The following AGTPBP1 variants were observed in gnomAD, a reference collection of about 807,000 sequenced individuals.
AGTPBP1 encodes ATP/GTP binding carboxypeptidase 1, also known as cytosolic carboxypeptidase 1.
AGTPBP1 carries 70 observed loss-of-function variants against 143.9 expected under a neutral mutation model. The ratio of observed to expected loss-of-function variants is 0.49; its 90% CI spans 0.40 to 0.59. The LOEUF is 0.59. Ranked by LOEUF, AGTPBP1 falls within the 20% of genes least tolerant of loss-of-function variation. The pLI is 0.00. For missense variants in AGTPBP1, 1,229 were observed against 1,464.5 expected, an observed-to-expected ratio of 0.84 and a Z score of 2.62; for synonymous variants, 463 against 500.2, an observed-to-expected ratio of 0.93 and a Z score of 0.99.
chr9:85,582,104 A>G (rs1019398308), intron 23 of AGTPBP1, among the ~76,000 whole-genome samples: 2 of 152,260 alleles, frequency 1.3e-5, no homozygotes, highest in Non-Finnish European at 2.9e-5. Flanking sequence ...TTGCAAAAAC[A>G]GTACAAAGAA....
intron 8 of AGTPBP1, among the ~76,000 whole-genome samples, chr9:85,668,248 T>A: frequency 6.6e-6 from 1 of 152,064 alleles, no homozygotes; most frequent in Non-Finnish European, 1.5e-5. Context: ...AATGTATGCA[T>A]CTTGTTTGGA....
intron 25 of AGTPBP1, chr9:85,553,948 C>G (rs999659940): frequency 1.3e-5 from 2 of 152,156 alleles, no homozygotes; most frequent in Admixed American, 6.6e-5. Flanking sequence ...TCTGATCATT[C>G]TCAGTAGAAC....
chr9:85,625,657 G>C (rs1354444147), intron 14 of AGTPBP1, among the ~76,000 whole-genome samples: 1 of 151,598 alleles, frequency 6.6e-6, no homozygotes, highest in African/African-American at 2.4e-5. Flanking sequence ...AGGCTGAGGT[G>C]GGCAGAACAC....
Position 85,684,530 on chromosome 9 carries a change from C to G in AGTPBP1, c.158-3195G>C, listed in dbSNP as rs542089821. ...AAATCTTATTTTACCCTGCCTCCCCCTCTATTTCCCTCTTTTCTTTCTCGG... is the reference window on the plus strand; with the variant it reads ...AAATCTTATTTTACCCTGCCTCCCCGTCTATTTCCCTCTTTTCTTTCTCGG... On this transcript the variant is annotated intron_variant, in intron 3 of 25. Transcript: ENST00000357081. Among the ~76,000 whole-genome samples, 24 of 152,032 alleles carry G rather than the reference C, an allele frequency of 1.6e-4. No individual in the cohort carries two copies. In the South Asian group the frequency reaches 4.8e-3, roughly 30 times the overall value.
rs1391897033 is a variant in AGTPBP1 at position 85,688,017 on chromosome 9, G to A, written c.157+4672C>T. 2.1e-5 allele frequency among the ~76,000 whole-genome samples: 3 copies of A among 144,370 alleles called. No homozygotes were observed. In the East Asian group the frequency reaches 6.3e-4, roughly 30 times the overall value. 94.7% of individuals were successfully genotyped at this position (144,370 alleles called of 152,430 possible). On this transcript the variant is annotated intron_variant, in intron 3 of 25. Coordinates refer to ENST00000357081, the MANE Select transcript of AGTPBP1 (RefSeq NM_001330701.2). ...AGGCAGGAGAATCACTTGAACCCAG[G>A]AGGCAGAGGTTGCAGTGAGCCGAGA...
intron 18 of AGTPBP1, among the ~76,000 whole-genome samples, chr9:85,594,036 C>T (rs1394824925): frequency 2.6e-5 from 4 of 152,020 alleles, no homozygotes; most frequent in Non-Finnish European, 5.9e-5. Context: ...TGAATAGATA[C>T]CCAATGACAG....
rs952299730 is a variant in AGTPBP1, at chr9:85,608,445, T to C, written c.2335+10538A>G. Among the ~76,000 whole-genome samples, 9 of 152,072 alleles carry C rather than the reference T, an allele frequency of 5.9e-5. No homozygotes were observed. The East Asian group carries it at 1.7e-3, about 29-fold the overall frequency. On this transcript the variant is annotated intron_variant, in intron 17 of 25. Coordinates refer to ENST00000357081, the MANE Select transcript of AGTPBP1 (RefSeq NM_001330701.2). ...AAATATAGAGAACCAAATGACATAA[T>C]CAATGTGGCAATTTTTACATCTAAA... is the stretch of plus-strand genomic sequence containing the variant.
intron 17 of AGTPBP1, among the ~76,000 whole-genome samples, chr9:85,611,538 A>G (rs1427167141): frequency 9.9e-6 from 1 of 100,896 alleles, no homozygotes; most frequent in Non-Finnish European, 1.9e-5. Flanking sequence ...ATTAAAATAG[A>G]AAAAAAAAGT....
chr9:85,601,836 C>T (rs1048385710), intron 17 of AGTPBP1, among the ~76,000 whole-genome samples: 1 of 152,030 alleles, frequency 6.6e-6, no homozygotes, highest in Admixed American at 6.6e-5. Flanking sequence ...AAGGAATGGC[C>T]GACCTGGCAT....
intron 14 of AGTPBP1, among the ~76,000 whole-genome samples, chr9:85,626,172 T>A (rs912158887): frequency 6.6e-6 from 1 of 152,168 alleles, no homozygotes; most frequent in Non-Finnish European, 1.5e-5. Flanking sequence ...ATTTTTTAAA[T>A]GTTAGTGTGC....
At chr9:85,600,114 C>T (rs900281287) in intron 17 of AGTPBP1, among the ~76,000 whole-genome samples, 7 of 152,188 alleles carry the variant, frequency 4.6e-5, no homozygotes, top group African/African-American at 1.7e-4. Context: ...TGAATGTTAG[C>T]TACTGGTATT....
intron 10 of AGTPBP1, among the ~76,000 whole-genome samples, chr9:85,657,151 G>A (rs983144937): frequency 2.1e-5 from 3 of 145,504 alleles, no homozygotes; most frequent in African/African-American, 5.2e-5. Flanking sequence ...TGCACAATGT[G>A]CACATGTACC....
chr9:85,591,383 C>T (rs937279407), intron 19 of AGTPBP1, among the ~76,000 whole-genome samples: 1 of 151,834 alleles, frequency 6.6e-6, no homozygotes, highest in African/African-American at 2.4e-5. Context: ...GCAAAGGGGT[C>T]AAAACTGAAT....
At position 85,619,521 on chromosome 9, in the gene AGTPBP1, G is replaced by A. The variant is rs978578752; in HGVS notation, c.2100-220C>T. Among the ~76,000 whole-genome samples the A allele has an allele frequency of 4.6e-5, 7 of 152,192 alleles. No individual in the cohort carries two copies. In the South Asian group the frequency reaches 8.3e-4, roughly 18 times the overall value. On this transcript the variant is annotated intron_variant, in intron 15 of 25. Coordinates refer to ENST00000357081, the MANE Select transcript of AGTPBP1 (RefSeq NM_001330701.2). ...AGAGATTTATTCTTATGTTTATACT[G>A]ATATAGTAAGAACTTTTGCCTCACT... is the stretch of plus-strand genomic sequence containing the variant.
chr9:85,551,478 C>T (rs78107299), intron 25 of AGTPBP1, among the ~76,000 whole-genome samples: 2,186 of 152,286 alleles, frequency 0.014, 29 homozygotes, highest in Non-Finnish European at 0.022. Flanking sequence ...ATTCTCAGTA[C>T]TAAATCACAA....
At chr9:85,787,056 T>G in the AGTPBP1 span, among the ~76,000 whole-genome samples, 1 of 152,178 alleles carries the variant, frequency 6.6e-6, no homozygotes, top group Non-Finnish European at 1.5e-5. Flanking sequence ...ATATGTGGGC[T>G]AAGACAACCT....
chr9:85,676,798 A>G (rs1834855973), intron 6 of AGTPBP1, among the ~76,000 whole-genome samples: 1 of 152,234 alleles, frequency 6.6e-6, no homozygotes, highest in Non-Finnish European at 1.5e-5. Flanking sequence ...GGTGTCCATC[A>G]GTGAATGAAT....
intron 6 of AGTPBP1, among the ~76,000 whole-genome samples, chr9:85,676,391 G>C (rs1834833122): frequency 6.6e-6 from 1 of 151,978 alleles, no homozygotes; most frequent in South Asian, 2.1e-4. Flanking sequence ...ATGGGCAAAA[G>C]ATCTGAATAA....
At chr9:85,773,248 G>A in the AGTPBP1 span, among the ~76,000 whole-genome samples, 1 of 94,300 alleles carries the variant, frequency 1.1e-5, no homozygotes, top group Non-Finnish European at 1.9e-5. Flanking sequence ...TTGGGTGACA[G>A]AGAGAGACTC....
Sources: allele counts gnomAD v4.1 joint callset (sites outside exome capture counted in the v4.1 genomes callset), GRCh38; gene constraint gnomAD v4.1.1; transcripts MANE v1.5; gene names NCBI Gene and HGNC (gene_info 2026-07-23, HGNC 2026-07-21).